TRPM3: variants seen among roughly 807,000 people sequenced by gnomAD.
TRPM3 encodes transient receptor potential cation channel subfamily M member 3.
Under a neutral mutation model 181.2 loss-of-function variants are expected in TRPM3, and 77 were observed. That is an observed-to-expected ratio of 0.42 (90% CI 0.35 to 0.51). The LOEUF (loss-of-function observed/expected upper bound fraction) is 0.51. Ranked by LOEUF, TRPM3 falls within the 20% of genes least tolerant of loss-of-function variation. The pLI, the probability that TRPM3 is intolerant of heterozygous loss-of-function variation, is 0.01. For synonymous variants in TRPM3, 745 were observed against 796.4 expected, an observed-to-expected ratio of 0.94 and a Z score of 1.09; for missense variants, 1,759 against 2,196.7, an observed-to-expected ratio of 0.80 and a Z score of 3.98.
intron 6 of TRPM3, among the ~76,000 whole-genome samples, chr9:70,792,280 T>C (rs1298902395): frequency 2.6e-5 from 4 of 152,072 alleles, no homozygotes; most frequent in Admixed American, 2.0e-4. Flanking sequence ...GCATGCATAC[T>C]TGGGGAATGA....
At chr9:71,267,132 GC>G (rs2083446816) in intron 1 of TRPM3, among the ~76,000 whole-genome samples, 4 of 151,598 alleles carry the variant, frequency 2.6e-5, no homozygotes, top group Admixed American at 2.6e-4. Context: ...TTCACCTCCT[GC>G]CCCCTTCCTA....
Position 70,635,630 on chromosome 9 carries a change from A to ATT in TRPM3, c.1582-371_1582-370dup, listed in dbSNP as rs5898157. 2.3e-4 allele frequency among the ~76,000 whole-genome samples: 33 copies of ATT among 146,148 alleles called. No homozygotes were observed. In the East Asian group the frequency reaches 2.8e-3, roughly 12 times the overall value. On this transcript the variant is annotated intron_variant, in intron 11 of 25. Transcript: ENST00000677713. Reference sequence around the variant, plus strand: ...ATGCCTGGCTAATGCTTTTGATAAAATTTTTTTTTTTTTAAAGATGGGGGT... The same window carrying ATT: ...ATGCCTGGCTAATGCTTTTGATAAAATTTTTTTTTTTTTTTAAAGATGGGGGT...
intron 6 of TRPM3, chr9:70,793,697 C>A (rs2086234623): frequency 2.1e-6 from 1 of 468,452 alleles, no homozygotes; most frequent in South Asian, 1.6e-5. Context: ...ACTATGAAAA[C>A]CTGGCAGGAA....
intron 4 of TRPM3, among the ~76,000 whole-genome samples, chr9:70,844,531 C>T (rs2094867628): frequency 1.3e-5 from 2 of 152,298 alleles, no homozygotes; most frequent in Middle Eastern, 6.8e-3. Flanking sequence ...TAAGTTGTTT[C>T]CAATTGTTTC....
chr9:71,340,588 G>A (rs1272836424), intron 1 of TRPM3, among the ~76,000 whole-genome samples: 1 of 152,050 alleles, frequency 6.6e-6, no homozygotes, highest in Admixed American at 6.6e-5. Flanking sequence ...CACCATGATT[G>A]TGAGGACTCC....
chr9:70,550,796 G>T (rs901574294), intron 24 of TRPM3, among the ~76,000 whole-genome samples: 1 of 152,218 alleles, frequency 6.6e-6, no homozygotes, highest in Admixed American at 6.5e-5. Context: ...GGCATGGAAA[G>T]TATGAATGTA....
intron 1 of TRPM3, among the ~76,000 whole-genome samples, chr9:71,022,313 A>G (rs2097853345): frequency 6.6e-6 from 1 of 152,230 alleles, no homozygotes; most frequent in Admixed American, 6.5e-5. Flanking sequence ...CTTTTTCATG[A>G]AATGATGCTA....
chr9:70,983,302 A>T (rs7037537), intron 1 of TRPM3, among the ~76,000 whole-genome samples: 3 of 151,784 alleles, frequency 2.0e-5, no homozygotes, highest in Non-Finnish European at 4.4e-5. Context: ...CTCCAGGATC[A>T]GTTCTAATAC....
At chr9:71,292,474 GTAA>G (rs1424920854) in intron 1 of TRPM3, among the ~76,000 whole-genome samples, 1 of 151,732 alleles carries the variant, frequency 6.6e-6, no homozygotes, top group Non-Finnish European at 1.5e-5. Flanking sequence ...GAAATGAAAA[GTAA>G]TAAAAGATAA....
chr9:70,923,061 T>G (rs932613618), intron 1 of TRPM3, among the ~76,000 whole-genome samples: 1 of 152,066 alleles, frequency 6.6e-6, no homozygotes, highest in African/African-American at 2.4e-5. Flanking sequence ...TGGAGTGGAC[T>G]ATTGGGCCTA....
intron 1 of TRPM3, among the ~76,000 whole-genome samples, chr9:71,304,440 G>T (rs1390808879): frequency 6.6e-6 from 1 of 152,108 alleles, no homozygotes; most frequent in African/African-American, 2.4e-5. Context: ...GGTTTAAGCT[G>T]TAAATAAGCA....
chr9:71,188,406 G>C (rs1223700533), intron 1 of TRPM3, among the ~76,000 whole-genome samples: 3 of 151,846 alleles, frequency 2.0e-5, no homozygotes, highest in African/African-American at 7.2e-5. Flanking sequence ...CAGACCACGT[G>C]CCTGTAGAGG....
At chr9:71,241,714 G>A (rs192113709) in intron 1 of TRPM3, among the ~76,000 whole-genome samples, 86 of 152,124 alleles carry the variant, frequency 5.7e-4, no homozygotes, top group African/African-American at 1.9e-3. Flanking sequence ...ATTCTATTCC[G>A]TAACATATTA....
At chr9:71,421,297 A>G (rs1186625826) in intron 1 of TRPM3, among the ~76,000 whole-genome samples, 1 of 151,780 alleles carries the variant, frequency 6.6e-6, no homozygotes, top group Admixed American at 6.6e-5. Flanking sequence ...TTGTACCCCA[A>G]ACTTCACCAT....
intron 6 of TRPM3, among the ~76,000 whole-genome samples, chr9:70,819,111 A>T (rs1251539766): frequency 6.6e-6 from 1 of 152,182 alleles, no homozygotes; most frequent in Non-Finnish European, 1.5e-5. Context: ...TCAGGGTAAC[A>T]TGCTCCGAGT....
intron 9 of TRPM3, among the ~76,000 whole-genome samples, chr9:70,674,552 T>G (rs1046186684): frequency 2.0e-5 from 3 of 151,974 alleles, no homozygotes; most frequent in Non-Finnish European, 2.9e-5. Flanking sequence ...TTTCAAAACA[T>G]TATATATATA....
At chr9:71,379,057 C>T (rs913262392) in intron 1 of TRPM3, among the ~76,000 whole-genome samples, 1 of 151,920 alleles carries the variant, frequency 6.6e-6, no homozygotes, top group Non-Finnish European at 1.5e-5. Context: ...TGTAAAGTGG[C>T]ATTGCAGAAA....
chr9:71,383,932 C>T (rs2092865466), intron 1 of TRPM3, among the ~76,000 whole-genome samples: 1 of 152,142 alleles, frequency 6.6e-6, no homozygotes, highest in African/African-American at 2.4e-5. Flanking sequence ...TTTGCTAGTG[C>T]TTATAAGTTA....
At chr9:71,129,867 G>A (rs1438593988) in intron 1 of TRPM3, among the ~76,000 whole-genome samples, 2 of 152,082 alleles carry the variant, frequency 1.3e-5, no homozygotes, top group Admixed American at 6.6e-5. Flanking sequence ...TTGCACGGCT[G>A]ACTTCCATAT....
Sources: allele counts gnomAD v4.1 joint callset (sites outside exome capture counted in the v4.1 genomes callset), GRCh38; gene constraint gnomAD v4.1.1; transcripts MANE v1.5; gene names NCBI Gene and HGNC (gene_info 2026-07-23, HGNC 2026-07-21).